The following PKIB variants were observed in gnomAD, a reference collection of about 807,000 sequenced individuals.
PKIB encodes PKI-beta.
PKIB carries 2 observed loss-of-function variants against 4.5 expected under a neutral mutation model. The observed-to-expected ratio is 0.44, with a 90% confidence interval of 0.18 to 1.39. The LOEUF (loss-of-function observed/expected upper bound fraction) is 1.39, where lower values mean the gene tolerates loss of function less well. Among genes scored for constraint, PKIB ranks in the 40% most tolerant of loss-of-function variants. PKIB has a pLI of 0.27. For missense variants in PKIB, 94 were observed against 92.6 expected (o/e 1.02, Z -0.06); for synonymous variants, 38 against 36.0 (o/e 1.06, Z -0.20).
chr6:122,545,188 A>G (rs572170501), intron 2 of PKIB, among the ~76,000 whole-genome samples: 2 of 152,188 alleles, frequency 1.3e-5, no homozygotes, highest in East Asian at 3.9e-4. Flanking sequence ...ACACATGCAC[A>G]TATGTTCATC....
chr6:122,553,513 G>T lies in PKIB; in HGVS notation c.-247-32408G>T, dbSNP rs990801181. On this transcript the variant is annotated intron_variant, in intron 2 of 6. Transcript: ENST00000392491. Reference sequence around the variant, plus strand: ...TTTTTTTTTTTTTTTTCTGAAAAAGGCTTCCCTGACTCTTCGCTCTCATGA... The same window carrying T: ...TTTTTTTTTTTTTTTTCTGAAAAAGTCTTCCCTGACTCTTCGCTCTCATGA... Among the ~76,000 whole-genome samples the T allele has an allele frequency of 1.8e-4, 7 of 38,552 alleles. No individual in the cohort carries two copies. In the South Asian group the frequency reaches 5.4e-3, roughly 30 times the overall value. 25.3% of individuals were successfully genotyped at this position (38,552 alleles called of 152,430 possible).
rs190822216 is a variant in PKIB, at chr6:122,562,942, C to A, written c.-247-22979C>A. On this transcript the variant is annotated intron_variant, in intron 2 of 6. Transcript: ENST00000392491. Reference sequence around the variant, plus strand: ...CTTCCCTGATTAGCTTAATAACTAACCTCCTGGATTCTTTTTCAGGTAAAT... The same window carrying A: ...CTTCCCTGATTAGCTTAATAACTAAACTCCTGGATTCTTTTTCAGGTAAAT... Among the ~76,000 whole-genome samples, 1,157 of 152,144 alleles carry A rather than the reference C, an allele frequency of 7.6e-3. 9 individuals are homozygous for A. Among genetic ancestry groups the A allele is most frequent in the South Asian group, 0.017 (81 of 4,816 alleles).
chr6:122,568,779 T>A (rs1773269048), intron 2 of PKIB, among the ~76,000 whole-genome samples: 1 of 152,124 alleles, frequency 6.6e-6, no homozygotes, highest in African/African-American at 2.4e-5. Flanking sequence ...ACTGCAGACA[T>A]GAGCACAGGA....
At chr6:122,481,905 T>C (rs1356042421) in intron 2 of PKIB, 2 of 152,012 alleles carry the variant, frequency 1.3e-5, no homozygotes, top group Non-Finnish European at 2.9e-5. Context: ...CCAGGGTTTT[T>C]GTAATCTCGC....
chr6:122,513,340 C>T (rs1582668713), intron 2 of PKIB, among the ~76,000 whole-genome samples: 1 of 152,200 alleles, frequency 6.6e-6, no homozygotes. Flanking sequence ...CACCAGCTCT[C>T]TTGCTTTTAC....
chr6:122,645,390 G>A (rs1776270966), intron 2 of PKIB, among the ~76,000 whole-genome samples: 1 of 152,190 alleles, frequency 6.6e-6, no homozygotes, highest in South Asian at 2.1e-4. Context: ...ATGGGAGAAA[G>A]TCCAACCGAG....
intron 2 of PKIB, among the ~76,000 whole-genome samples, chr6:122,674,307 A>G (rs1777585926): frequency 1.3e-5 from 2 of 152,208 alleles, no homozygotes; most frequent in African/African-American, 2.4e-5. Flanking sequence ...GCAAGAATGC[A>G]TACAAGAAAA....
chr6:122,703,937 TATATAGAGAGAGAG>T (rs778286301), intron 3 of PKIB, among the ~76,000 whole-genome samples: 8,981 of 130,226 alleles, frequency 0.069, 323 homozygotes, highest in Middle Eastern at 0.094. Context: ...TATATATATA[TATATAGAGAGAGAG>T]AGAGAGAGAG....
chr6:122,611,039 T>C (rs564584712), intron 1 of PKIB, among the ~76,000 whole-genome samples: 182 of 152,350 alleles, frequency 1.2e-3, no homozygotes, highest in Middle Eastern at 6.8e-3. Flanking sequence ...CTGGCCTCCG[T>C]CCATTCTTTG....
intron 2 of PKIB, among the ~76,000 whole-genome samples, chr6:122,530,716 T>TAA: frequency 6.6e-6 from 1 of 152,256 alleles, no homozygotes; most frequent in Middle Eastern, 3.4e-3. Context: ...TTCTAAACTC[T>TAA]CCCAGTCAGG....
intron 4 of PKIB, among the ~76,000 whole-genome samples, chr6:122,720,706 ATT>A (rs34676757): frequency 1.3e-4 from 20 of 148,216 alleles, no homozygotes; most frequent in South Asian, 4.3e-4. Flanking sequence ...ATTTGAGTGT[ATT>A]TTTTTTTTTT....
intron 2 of PKIB, among the ~76,000 whole-genome samples, chr6:122,649,426 G>A (rs1483591528): frequency 6.6e-6 from 1 of 152,178 alleles, no homozygotes; most frequent in Non-Finnish European, 1.5e-5. Context: ...TATCATGCAA[G>A]ACCATCTGTA....
intron 2 of PKIB, among the ~76,000 whole-genome samples, chr6:122,638,425 C>T (rs1479225430): frequency 6.6e-6 from 1 of 152,152 alleles, no homozygotes; most frequent in East Asian, 1.9e-4. Flanking sequence ...TCTAGTCTTT[C>T]TGTTCACATC....
intron 4 of PKIB, among the ~76,000 whole-genome samples, chr6:122,724,174 A>G (rs1779852582): frequency 1.3e-5 from 2 of 152,218 alleles, no homozygotes; most frequent in Non-Finnish European, 2.9e-5. Flanking sequence ...GAAGACTTAC[A>G]GTTGAAAGAG....
chr6:122,600,643 A>G (rs1774333672), intron 3 of PKIB, among the ~76,000 whole-genome samples: 1 of 152,212 alleles, frequency 6.6e-6, no homozygotes, highest in African/African-American at 2.4e-5. Flanking sequence ...ACAAAACTTA[A>G]TAGACAGACT....
At chr6:122,506,655 T>TA (rs1226110254) in intron 2 of PKIB, among the ~76,000 whole-genome samples, 2 of 151,946 alleles carry the variant, frequency 1.3e-5, no homozygotes, top group Non-Finnish European at 2.9e-5. Context: ...GACGATTTTA[T>TA]AGGAATTATT....
chr6:122,626,752 A>C (rs1775460284), intron 1 of PKIB, among the ~76,000 whole-genome samples: 1 of 152,200 alleles, frequency 6.6e-6, no homozygotes, highest in South Asian at 2.1e-4. Flanking sequence ...ACAAGTTCTC[A>C]TACAAAGGAA....
At chr6:122,523,454 A>G (rs1162667237) in intron 2 of PKIB, among the ~76,000 whole-genome samples, 1 of 152,170 alleles carries the variant, frequency 6.6e-6, no homozygotes, top group Non-Finnish European at 1.5e-5. Flanking sequence ...AAGTACTTGA[A>G]TCACAGAGGT....
intron 3 of PKIB, among the ~76,000 whole-genome samples, chr6:122,684,448 TTC>T (rs1399597108): frequency 6.6e-6 from 1 of 152,104 alleles, no homozygotes. Flanking sequence ...ACATCTACCT[TTC>T]TCTTTCACAT....
Sources: gnomAD v4.1 joint callset for allele counts (sites outside exome capture counted in the v4.1 genomes callset) on GRCh38, gnomAD v4.1.1 for gene constraint, MANE v1.5 for transcripts, NCBI Gene and HGNC (gene_info 2026-07-23, HGNC 2026-07-21) for gene names.